The following CORO1B variants were observed in gnomAD, a reference collection of about 807,000 sequenced individuals.
CORO1B encodes the protein coronin-1B.
Under a neutral mutation model 51.1 loss-of-function variants are expected in CORO1B, and 30 were observed. That is an observed-to-expected ratio of 0.59 (90% CI 0.44 to 0.80). The LOEUF is 0.80. Ranked by LOEUF, CORO1B falls within the 30% of genes least tolerant of loss-of-function variation. The pLI is 0.00. For synonymous variants in CORO1B, 310 were observed against 289.7 expected, an observed-to-expected ratio of 1.07 and a Z score of -0.71; for missense variants, 648 against 700.4, an observed-to-expected ratio of 0.93 and a Z score of 0.84.
rs747138678 is a variant in CORO1B at position 67,438,120 on chromosome 11, C to G, written c.*256G>C. The G allele has an allele frequency of 7.0e-6, 3 of 430,620 alleles. No individual in the cohort carries two copies. Among genetic ancestry groups the G allele is most frequent in the Non-Finnish European group, 1.2e-5 (3 of 244,222 alleles). The allele number at this position is 430,620 out of a possible 1,614,324, so 26.7% of individuals were successfully genotyped here. On this transcript the variant is annotated 3_prime_UTR_variant, in exon 11 of 11. Coordinates refer to ENST00000341356, the MANE Select transcript of CORO1B (RefSeq NM_020441.3). ...CCTCCCGCCTCCTCTGGGGAGGGAG[C>G]AGAGGGCTGGGCAGTGGTCGGGGAG...
chr11:67,441,700 G>C (rs201928806), intron 4 of CORO1B, 33 bp downstream of exon 4: 103 of 1,478,946 alleles, frequency 7.0e-5, no homozygotes, highest in South Asian at 4.3e-4. Context: ...GGTCCGTGGG[G>C]GGGGGGAGCA....
At position 67,438,867 on chromosome 11, in the gene CORO1B, C is replaced by T. The variant is rs772528176; in HGVS notation, c.1148G>A (p.Arg383Gln). The T allele has an allele frequency of 3.9e-5, 63 of 1,608,060 alleles. No individual in the cohort carries two copies. Among genetic ancestry groups the T allele is most frequent in the South Asian group, 1.2e-4 (11 of 90,118 alleles). ...ALEAEEWVSG[R>Q]DADPILISLR... ...TGAGATGAGGATCGGGTCGGCATCC[C>T]GCCCGCTCACCCACTCCTCAGCCTC... Residue 383 changes from arginine (R) to glutamine (Q), a missense_variant, in exon 10 of 11, where the codon CGG becomes CAG. Arg to Gln is a conservative substitution (Grantham distance 43, BLOSUM62 1). Transcript: ENST00000341356.
At chr11:67,441,053 G>A (rs752455933) in intron 6 of CORO1B, 72 bp downstream of exon 6, 214 of 1,608,710 alleles carry the variant, frequency 1.3e-4, no homozygotes, top group Non-Finnish European at 1.8e-4. Context: ...GGCCTCCCCA[G>A]GGTGAACCCT....
chr11:67,439,660 C>T, intron 9 of CORO1B, 126 bp downstream of exon 9: 1 of 1,021,476 alleles, frequency 9.8e-7, no homozygotes, highest in East Asian at 2.6e-5. Flanking sequence ...AAGCTGGCAT[C>T]TGTCCAGCTC....
chr11:67,436,724 T>G lies in CORO1B; in HGVS notation c.*1652A>C. On this transcript the variant is annotated 3_prime_UTR_variant, in exon 11 of 11. Coordinates refer to ENST00000341356, the MANE Select transcript of CORO1B (RefSeq NM_020441.3). ...AGTGAGGCTGAACCTGACCTTAACC[T>G]CTACCCTGATGTCTATCACTGCAGC... 4.5e-6 allele frequency: 1 copy of G among 220,036 alleles called. No individual in the cohort carries two copies. The highest frequency in any genetic ancestry group is 8.9e-6 in the Non-Finnish European group (1 of 111,920). The allele number at this position is 220,036 out of a possible 1,614,324, so 13.6% of individuals were successfully genotyped here.
chr11:67,442,680 G>T, intron 1 of CORO1B, 50 bp from the exon 2 acceptor site: 1 of 1,574,576 alleles, frequency 6.4e-7, no homozygotes, highest in South Asian at 1.1e-5. Context: ...AACAACTCCA[G>T]CCCTCCCCAG....
At chr11:67,440,750 TGC>T in intron 6 of CORO1B, 1 of 648,578 alleles carries the variant, frequency 1.5e-6, no homozygotes, top group Non-Finnish European at 2.8e-6. Flanking sequence ...CTGCTCAAGG[TGC>T]CCTGGAGGTC....
At position 67,441,400 on chromosome 11, in the gene CORO1B, A is replaced by G. The variant is rs1590987292; in HGVS notation, c.569T>C (p.Leu190Pro). The G allele has an allele frequency of 6.2e-7, 1 of 1,613,868 alleles. No homozygotes were observed. The highest frequency in any genetic ancestry group is 8.5e-7 in the Non-Finnish European group (1 of 1,180,032). Residue 190 changes from leucine (L) to proline (P), a missense_variant, in exon 5 of 11, where the codon CTG becomes CCG. Transcript: ENST00000341356. ...CTTGTCCTTGCATGCTGAGCAAAAC[A>G]GGCTGCCATTGTGGTTCCAGCTGAC... ...YNVSWNHNGSLFCSACKDKSV... is the reference protein window; with the variant it reads ...YNVSWNHNGSPFCSACKDKSV...
At position 67,441,316 on chromosome 11, in the gene CORO1B, C is replaced by T. The variant is rs1374152654; in HGVS notation, c.636+17G>A. On this transcript the variant is annotated intron_variant, in intron 5 of 10. Transcript: ENST00000341356. Reference sequence around the variant, plus strand: ...TGGGCCTATCCACAGCCATCCTTGCCCTCCAGAGCCACGTACTGCCACCAG... The same window carrying T: ...TGGGCCTATCCACAGCCATCCTTGCTCTCCAGAGCCACGTACTGCCACCAG... 1.2e-6 allele frequency: 2 copies of T among 1,613,134 alleles called. No homozygotes were observed. The highest frequency in any genetic ancestry group is 4.5e-5 in the East Asian group (2 of 44,900).
rs1198058841 is a variant in CORO1B at position 67,437,707 on chromosome 11, A to T, written c.*669T>A. ...TGAGCTCAGTGCTCGTCTGCAGTGA[A>T]GGGTGGCCCAGGCTTCCGCTTCCTG... On this transcript the variant is annotated 3_prime_UTR_variant, in exon 11 of 11. Coordinates refer to ENST00000341356, the MANE Select transcript of CORO1B (RefSeq NM_020441.3). The T allele has an allele frequency of 2.3e-6, 3 of 1,300,778 alleles. No homozygotes were observed. Among genetic ancestry groups the T allele is most frequent in the Non-Finnish European group, 3.0e-6 (3 of 1,008,108 alleles). The allele number at this position is 1,300,778 out of a possible 1,614,324, so 80.6% of individuals were successfully genotyped here. A position where few individuals can be genotyped will look rare whatever the true frequency, so the allele number is the denominator to read the frequency against.
In CORO1B at chr11:67,440,384, A is replaced by G; in HGVS notation, c.812T>C (p.Leu271Pro). ...LQELDSSNGA[L>P]LPFYDPDTSV... is the part of the protein sequence containing the mutation. ...GGTGTCGGGGTCGTAGAAGGGCAGC[A>G]GGGCCCCGTTGCTCGAGTCCAGTTC... Residue 271 changes from leucine (L) to proline (P), a missense_variant, in exon 7 of 11, where the codon CTG becomes CCG. Coordinates refer to ENST00000341356, the MANE Select transcript of CORO1B (RefSeq NM_020441.3). The G allele has an allele frequency of 6.2e-7, 1 of 1,613,894 alleles. No homozygotes were observed. The highest frequency in any genetic ancestry group is 8.5e-7 in the Non-Finnish European group (1 of 1,179,996).
chr11:67,440,069 T>G, intron 8 of CORO1B, 49 bp downstream of exon 8: 5 of 1,565,848 alleles, frequency 3.2e-6, no homozygotes, highest in Middle Eastern at 2.2e-4. Context: ...TGACCTGACC[T>G]CTCACCTTAG....
chr11:67,439,933 C>T lies in CORO1B; in HGVS notation c.1008-90G>A, dbSNP rs1864363027. On this transcript the variant is annotated intron_variant, in intron 8 of 10. Transcript: ENST00000341356. ...CCTGGCATCCTCCACTTCCAGTCCT[C>T]ACCCCAGGACCTCCGCAGGCCGACC... The T allele has an allele frequency of 2.8e-6, 4 of 1,443,066 alleles. No individual in the cohort carries two copies. In the South Asian group the frequency reaches 3.9e-5, roughly 14 times the overall value. 89.4% of individuals were successfully genotyped at this position (1,443,066 alleles called of 1,614,324 possible).
chr11:67,439,688 C>G lies in CORO1B; in HGVS notation c.1065+98G>C. On this transcript the variant is annotated intron_variant, in intron 9 of 10. Transcript: ENST00000341356. ...TCCAGCTCACTGCCCACAAACCATA[C>G]TAGGTCATGTTCCATTCACAGGCCT... The G allele has an allele frequency of 3.2e-6, 4 of 1,255,696 alleles. No individual in the cohort carries two copies. The Middle Eastern group carries it at 7.3e-4, about 231-fold the overall frequency. The allele number at this position is 1,255,696 out of a possible 1,614,324, so 77.8% of individuals were successfully genotyped here.
rs67501657 is a variant in CORO1B at position 67,436,784 on chromosome 11, T to C, written c.*1592A>G. 0.26 allele frequency: 44,655 copies of C among 171,558 alleles called. 6,737 individuals carry two copies. Among genetic ancestry groups the C allele is most frequent in the Non-Finnish European group, 0.35 (28,526 of 81,382 alleles). 10.6% of individuals were successfully genotyped at this position (171,558 alleles called of 1,614,324 possible). A position where few individuals can be genotyped will look rare whatever the true frequency, so the allele number is the denominator to read the frequency against. ...CACCCCCCAGCACTCAGTGCCTTTT[T>C]CCTTCCATGTCACCTAACGCAGGAG... On this transcript the variant is annotated 3_prime_UTR_variant, in exon 11 of 11. Transcript: ENST00000341356.
At position 67,436,275 on chromosome 11, in the gene CORO1B, C is replaced by T; in HGVS notation, c.*2101G>A. The T allele has an allele frequency of 6.5e-7, 1 of 1,540,022 alleles. No individual in the cohort carries two copies. Among genetic ancestry groups the T allele is most frequent in the Non-Finnish European group, 8.7e-7 (1 of 1,147,162 alleles). On this transcript the variant is annotated 3_prime_UTR_variant, in exon 11 of 11. Coordinates refer to ENST00000341356, the MANE Select transcript of CORO1B (RefSeq NM_020441.3). ...GTGACAGAGCTGGAGCCCACGCTGT[C>T]CTCCGCGCTGCCACCCGAGCCCAAG...
chr11:67,443,687 G>A (rs1864441863), upstream of CORO1B: 2 of 968,248 alleles, frequency 2.1e-6, no homozygotes, highest in African/African-American at 1.8e-5. Context: ...CGGAAGAAGG[G>A]GGCGGGGCGG....
In CORO1B at chr11:67,440,136, C is replaced by G. The variant is rs1864366328; in HGVS notation, c.989G>C (p.Ser330Thr). 1.2e-6 allele frequency: 2 copies of G among 1,612,352 alleles called. No individual in the cohort carries two copies. Among genetic ancestry groups the G allele is most frequent in the African/African-American group, 2.7e-5 (2 of 74,930 alleles). ...CTCTTACCGGGCGATCTCGCACTTGCTGACCTCCAGGCCCCGCTTGGGCAT... is the reference window on the plus strand; with the variant it reads ...CTCTTACCGGGCGATCTCGCACTTGGTGACCTCCAGGCCCCGCTTGGGCAT... The part of the protein sequence containing the change: ...GSMPKRGLEV[S>T]KCEIARFYKL... Residue 330 changes from serine to threonine, a missense_variant, in exon 8 of 11, where the codon AGC becomes ACC. Transcript: ENST00000341356.
At position 67,440,457 on chromosome 11, in the gene CORO1B, G is replaced by A. The variant is rs1164804200; in HGVS notation, c.757-18C>T. ...AGGTTTTCCTGGCACATTGCAGGCA[G>A]TCAGGCCAAGCAGAACCTCCTCACC... On this transcript the variant is annotated intron_variant, in intron 6 of 10. Coordinates refer to ENST00000341356, the MANE Select transcript of CORO1B (RefSeq NM_020441.3). 6.2e-7 allele frequency: 1 copy of A among 1,611,292 alleles called. No homozygotes were observed.
Sources: allele counts gnomAD v4.1 joint callset, GRCh38; gene constraint gnomAD v4.1.1; transcripts MANE v1.5; gene names NCBI Gene and HGNC (gene_info 2026-07-23, HGNC 2026-07-21).